Variants in ULK4 observed in about 807,000 individuals in gnomAD.
The protein encoded by ULK4 is inactive serine/threonine-protein kinase ULK4.
Under a neutral mutation model 160.6 loss-of-function variants are expected in ULK4, and 133 were observed. That is an observed-to-expected ratio of 0.83 (90% confidence interval 0.72 to 0.96). ULK4 has a LOEUF of 0.96. Ranked by LOEUF, ULK4 falls within the 40% of genes least tolerant of loss-of-function variation. The probability of loss-of-function intolerance (pLI) is 0.00; values close to 1 mark genes in which losing one functional copy is unlikely to be tolerated. For missense variants in ULK4, 1,580 were observed against 1,499.5 expected (o/e 1.05, Z -0.89); for synonymous variants, 534 against 539.8 (o/e 0.99, Z 0.15).
At chr3:41,768,222 C>G (rs1043555704) in intron 21 of ULK4, among the ~76,000 whole-genome samples, 6 of 152,060 alleles carry the variant, frequency 3.9e-5, no homozygotes, top group Non-Finnish European at 8.8e-5. Flanking sequence ...GAAATTGGTC[C>G]CTGGTGCCAA....
At chr3:41,542,354 C>A (rs1401340273) in intron 32 of ULK4, among the ~76,000 whole-genome samples, 2 of 152,126 alleles carry the variant, frequency 1.3e-5, no homozygotes, top group African/African-American at 4.8e-5. Context: ...GTTGAACCAG[C>A]CTTGCATCCC....
chr3:41,761,047 C>G (rs915503253), intron 21 of ULK4, among the ~76,000 whole-genome samples: 3 of 152,038 alleles, frequency 2.0e-5, no homozygotes, highest in Non-Finnish European at 4.4e-5. Context: ...AAAGATAAAA[C>G]TATAGGGGCA....
chr3:41,713,302 T>C (rs1005280592), intron 25 of ULK4, among the ~76,000 whole-genome samples: 2 of 152,238 alleles, frequency 1.3e-5, no homozygotes, highest in African/African-American at 2.4e-5. Context: ...GGAAAAATTA[T>C]GAATTCATAG....
chr3:41,705,345 T>C (rs2036838377), intron 25 of ULK4, 40 bp from the exon 26 acceptor site: 1 of 1,488,364 alleles, frequency 6.7e-7, no homozygotes. Context: ...AGTTTCAAAG[T>C]AACTCTGAAA....
chr3:41,498,560 GC>G (rs1465357172), intron 32 of ULK4, among the ~76,000 whole-genome samples: 9 of 105,332 alleles, frequency 8.5e-5, no homozygotes, highest in Admixed American at 3.7e-4. Context: ...ACATTAGAGA[GC>G]TTCTTCTTTT....
At chr3:41,551,293 A>T (rs1348406842) in intron 32 of ULK4, among the ~76,000 whole-genome samples, 1 of 151,858 alleles carries the variant, frequency 6.6e-6, no homozygotes, top group Non-Finnish European at 1.5e-5. Context: ...TAGAACTAAA[A>T]AGAAAAAGAG....
chr3:41,616,548 C>A (rs2125683877), intron 30 of ULK4, among the ~76,000 whole-genome samples: 1 of 152,206 alleles, frequency 6.6e-6, no homozygotes, highest in Middle Eastern at 3.4e-3. Flanking sequence ...GGGCTGGGGA[C>A]CTCCCTCCCC....
At chr3:41,274,969 G>A (rs1454740865) in intron 35 of ULK4, among the ~76,000 whole-genome samples, 1 of 152,062 alleles carries the variant, frequency 6.6e-6, no homozygotes, top group South Asian at 2.1e-4. Flanking sequence ...GATTCTATGT[G>A]GGAATGCCTG....
intron 16 of ULK4, among the ~76,000 whole-genome samples, chr3:41,884,492 G>A (rs1204774287): frequency 6.6e-6 from 1 of 152,190 alleles, no homozygotes; most frequent in African/African-American, 2.4e-5. Context: ...GCAGAAAACT[G>A]AAGTGGATAA....
intron 17 of ULK4, among the ~76,000 whole-genome samples, chr3:41,874,008 T>C (rs1354255382): frequency 1.3e-5 from 2 of 152,084 alleles, no homozygotes; most frequent in South Asian, 2.1e-4. Context: ...TAATAAATGC[T>C]ACATGGAAAA....
At chr3:41,721,279 T>TTTGG (rs1553639845) in intron 22 of ULK4, among the ~76,000 whole-genome samples, 1,856 of 98,864 alleles carry the variant, frequency 0.019, 183 homozygotes, top group African/African-American at 0.051. Context: ...TTTTTTTTTT[T>TTTGG]TTTTTGGGTT....
Position 41,754,481 on chromosome 3 carries a change from A to C in ULK4, c.2201T>G (p.Val734Gly). 1 of 1,611,380 alleles carries C rather than the reference A, an allele frequency of 6.2e-7. No homozygotes were observed. The highest frequency in any genetic ancestry group is 8.5e-7 in the Non-Finnish European group (1 of 1,179,266). The change falls in exon 22 of 37, where the codon GTC becomes GGC. Residue 734 changes from valine to glycine, a missense_variant. Coordinates refer to ENST00000301831, the MANE Select transcript of ULK4 (RefSeq NM_017886.4). ...LQRLIQEKGF[V>G]STIIRLLDSP... ...GTCAAGTAAACGGATAATTGTGGAG[A>C]CAAAACCCTGTAGAAGACATTTAAA...
Position 41,684,102 on chromosome 3 carries a change from A to G in ULK4, c.2782-2298T>C, listed in dbSNP as rs372603192. On this transcript the variant is annotated intron_variant, in intron 27 of 36. Coordinates refer to ENST00000301831, the MANE Select transcript of ULK4 (RefSeq NM_017886.4). ...TACCTACGCTTCCACCAAAAAATGG[A>G]AAAAAGATGACTTTCTCTTGTAATG... is the stretch of plus-strand genomic sequence containing the variant. 1.5e-4 allele frequency among the ~76,000 whole-genome samples: 23 copies of G among 152,196 alleles called. No individual in the cohort carries two copies. In the East Asian group the frequency reaches 2.3e-3, roughly 15 times the overall value.
Position 41,387,240 on chromosome 3 carries a change from C to G in ULK4, c.3678+10839G>C, listed in dbSNP as rs555887391. ...ATCATTTCTTTGTGTTGAAAATGTT[C>G]AATATCTTTCTCTAGCTCTAGCTAC... On this transcript the variant is annotated intron_variant, in intron 35 of 36. Transcript: ENST00000301831. 1.3e-4 allele frequency among the ~76,000 whole-genome samples: 20 copies of G among 152,176 alleles called. No homozygotes were observed. The East Asian group carries it at 3.1e-3, about 23-fold the overall frequency.
intron 27 of ULK4, among the ~76,000 whole-genome samples, chr3:41,682,559 C>A (rs759849552): frequency 2.6e-5 from 4 of 152,208 alleles, no homozygotes; most frequent in African/African-American, 9.7e-5. Flanking sequence ...CCGTCCATAC[C>A]AACAAAACAA....
At chr3:41,704,199 C>T (rs1009666478) in intron 27 of ULK4, among the ~76,000 whole-genome samples, 5 of 152,156 alleles carry the variant, frequency 3.3e-5, no homozygotes, top group Non-Finnish European at 7.3e-5. Context: ...TATCTAAAAG[C>T]AGTCACTATT....
chr3:41,439,400 G>T (rs1469503846), intron 34 of ULK4, among the ~76,000 whole-genome samples: 2 of 152,148 alleles, frequency 1.3e-5, no homozygotes, highest in African/African-American at 4.8e-5. Context: ...ACTTGGATAG[G>T]AAGTTAGACT....
chr3:41,936,803 G>A (rs558378394), intron 3 of ULK4, among the ~76,000 whole-genome samples: 88 of 152,242 alleles, frequency 5.8e-4, no homozygotes, highest in African/African-American at 2.0e-3. Context: ...AGTGGGGATG[G>A]TTAATGGGTA....
chr3:41,901,257 A>G (rs1191091501), intron 12 of ULK4, among the ~76,000 whole-genome samples: 2 of 143,016 alleles, frequency 1.4e-5, no homozygotes, highest in Admixed American at 7.2e-5. Context: ...TCGGCTCACT[A>G]CAAGCTCTGC....
Sources: gnomAD v4.1 joint callset for allele counts (sites outside exome capture counted in the v4.1 genomes callset) on GRCh38, gnomAD v4.1.1 for gene constraint, MANE v1.5 for transcripts, NCBI Gene and HGNC (gene_info 2026-07-23, HGNC 2026-07-21) for gene names.